The following PCBP2 variants were observed in gnomAD, a reference collection of about 807,000 sequenced individuals.
PCBP2 encodes the protein poly(rC) binding protein 2.
PCBP2 carries 4 observed loss-of-function variants against 50.1 expected under a neutral mutation model. The observed-to-expected ratio is 0.08, with a 90% CI of 0.04 to 0.18. The LOEUF (loss-of-function observed/expected upper bound fraction) is 0.18. Ranked by LOEUF, PCBP2 falls within the 10% of genes least tolerant of loss-of-function variation. The pLI, the probability that PCBP2 is intolerant of heterozygous loss-of-function variation, is 1.00. For missense variants in PCBP2, 161 were observed against 474.3 expected, an observed-to-expected ratio of 0.34 and a Z score of 6.14; for synonymous variants, 179 against 168.0, an observed-to-expected ratio of 1.07 and a Z score of -0.51.
In PCBP2 at chr12:53,455,447, CT is replaced by C. The variant is rs1378539903; in HGVS notation, c.94-10del. 1.9e-6 allele frequency: 3 copies of C among 1,614,064 alleles called. No individual in the cohort carries two copies. Among genetic ancestry groups the C allele is most frequent in the Non-Finnish European group, 2.5e-6 (3 of 1,179,978 alleles). ...AGTAGCAGTTGGAGCTCATGCTTGA[CT>C]TTTCCTTTACAGAAAGGAGAATCAG... On this transcript the variant is annotated splice_polypyrimidine_tract_variant and intron_variant, in intron 3 of 14. Transcript: ENST00000546463.
At chr12:53,471,507 C>T (rs1163041010) in intron 13 of PCBP2, 131 bp from the exon 14 acceptor site, 4 of 793,450 alleles carry the variant, frequency 5.0e-6, no homozygotes, top group Non-Finnish European at 7.4e-6. Flanking sequence ...TGAGGTTGCA[C>T]AGTGAGCCAA....
At chr12:53,473,153 G>C (rs553298620) in intron 14 of PCBP2, among the ~76,000 whole-genome samples, 1 of 150,010 alleles carries the variant, frequency 6.7e-6, no homozygotes, top group South Asian at 2.1e-4. Flanking sequence ...GCTCCATCTC[G>C]GCTCACTGCA....
intron 7 of PCBP2, 109 bp downstream of exon 7, chr12:53,461,252 G>T (rs1941424366): frequency 4.8e-6 from 6 of 1,245,084 alleles, no homozygotes; most frequent in African/African-American, 1.5e-5. Flanking sequence ...AAGGCTTCCA[G>T]TGGGGGTGGG....
At chr12:53,458,290 C>CGTTTTT (rs952421873) in intron 5 of PCBP2, among the ~76,000 whole-genome samples, 5 of 133,136 alleles carry the variant, frequency 3.8e-5, no homozygotes, top group African/African-American at 7.7e-5. Flanking sequence ...TTATATCTTT[C>CGTTTTT]GTTTTTGTTT....
In PCBP2 at chr12:53,473,623, A is replaced by C. The variant is rs369232271; in HGVS notation, c.1052+1816A>C. Among the ~76,000 whole-genome samples, 5 of 152,212 alleles carry C rather than the reference A, an allele frequency of 3.3e-5. No individual in the cohort carries two copies. The East Asian group carries it at 5.8e-4, about 18-fold the overall frequency. On this transcript the variant is annotated intron_variant, in intron 14 of 14. Transcript: ENST00000546463. ...AGTGGCTCTTTTCAGGATCATTGTT[A>C]CTGAATAGCAATTCGGTATCTTAGC...
chr12:53,479,453 A>G lies in PCBP2; in HGVS notation c.*11A>G. 1 of 1,612,456 alleles carries G rather than the reference A, an allele frequency of 6.2e-7. No individual in the cohort carries two copies. Among genetic ancestry groups the G allele is most frequent in the Non-Finnish European group, 8.5e-7 (1 of 1,178,798 alleles). The stretch of plus-strand genomic sequence containing the variant: ...ATGGGGAGCAGCTAGAACAATGCAG[A>G]TTCATCCATAATCCCTTTCTGCTGT... On this transcript the variant is annotated 3_prime_UTR_variant, in exon 15 of 15. Coordinates refer to ENST00000546463, the MANE Select transcript of PCBP2 (RefSeq NM_031989.5).
intron 1 of PCBP2, chr12:53,453,301 C>T (rs1457943772): frequency 1.3e-5 from 2 of 151,698 alleles, no homozygotes; most frequent in East Asian, 1.9e-4. Context: ...ATTAAACTAC[C>T]AGGTCTTTAC....
intron 13 of PCBP2, among the ~76,000 whole-genome samples, chr12:53,470,665 C>T (rs1005916689): frequency 1.3e-5 from 2 of 151,770 alleles, no homozygotes; most frequent in Admixed American, 6.6e-5. Flanking sequence ...GCATGAGCCA[C>T]GGTCCCCCAC....
chr12:53,461,970 A>G (rs11170560), intron 7 of PCBP2, among the ~76,000 whole-genome samples: 42,608 of 151,994 alleles, frequency 0.28, 7,246 homozygotes, highest in East Asian at 0.72. Context: ...CAGCCTTCCA[A>G]AGTACTGGTA....
intron 14 of PCBP2, among the ~76,000 whole-genome samples, chr12:53,474,557 A>G (rs556973113): frequency 6.6e-6 from 1 of 152,342 alleles, no homozygotes; most frequent in Non-Finnish European, 1.5e-5. Flanking sequence ...ACCCGAAATC[A>G]TTCCTTCAAC....
intron 12 of PCBP2, 52 bp from the exon 13 acceptor site, chr12:53,468,725 T>G: frequency 4.6e-6 from 6 of 1,303,104 alleles, no homozygotes; most frequent in Non-Finnish European, 6.7e-6. Flanking sequence ...TGCAAGTCAG[T>G]GAGGTTTTGA....
intron 13 of PCBP2, among the ~76,000 whole-genome samples, chr12:53,471,117 C>G (rs780510659): frequency 1.5e-4 from 23 of 151,808 alleles, no homozygotes; most frequent in Non-Finnish European, 3.1e-4. Context: ...GTTTTTTGAT[C>G]AAAAGTGTAT....
chr12:53,467,876 TCTA>T (rs1300839546), intron 12 of PCBP2, 33 bp downstream of exon 12: 2 of 1,472,142 alleles, frequency 1.4e-6, no homozygotes, highest in African/African-American at 1.4e-5. Context: ...TCTGTAGTAT[TCTA>T]CTGTTATATT....
rs573301452 is a variant in PCBP2 at position 53,455,279 on chromosome 12, T to C, written c.70-68T>C. The stretch of plus-strand genomic sequence containing the variant: ...TTAGAACATGTAGAAAAAGGAAAAA[T>C]AAAATATATTTTTAAAAAGGAATAC... On this transcript the variant is annotated intron_variant, in intron 2 of 14. Transcript: ENST00000546463. The C allele has an allele frequency of 5.3e-5, 77 of 1,445,324 alleles. No individual in the cohort carries two copies. The African/African-American group carries it at 1.1e-3, about 20-fold the overall frequency. 89.5% of individuals were successfully genotyped at this position (1,445,324 alleles called of 1,614,324 possible). A position where few individuals can be genotyped will look rare whatever the true frequency, so the allele number is the denominator to read the frequency against.
intron 10 of PCBP2, among the ~76,000 whole-genome samples, chr12:53,466,799 TCTC>T (rs1003716226): frequency 1.3e-5 from 2 of 151,958 alleles, no homozygotes; most frequent in African/African-American, 4.8e-5. Context: ...GCCCCCCTCA[TCTC>T]CTTCCCTCTC....
chr12:53,459,790 G>A (rs1483470601), intron 6 of PCBP2: 1 of 395,424 alleles, frequency 2.5e-6, no homozygotes. Flanking sequence ...GTCTCACTCT[G>A]TCTCCCCAGG....
intron 8 of PCBP2, among the ~76,000 whole-genome samples, chr12:53,463,234 C>T (rs927455203): frequency 6.6e-5 from 10 of 152,164 alleles, no homozygotes; most frequent in African/African-American, 2.2e-4. Flanking sequence ...CTGCTCCTTC[C>T]TCATCAACCT....
chr12:53,478,964 C>T (rs990372011), intron 14 of PCBP2, among the ~76,000 whole-genome samples: 2 of 152,042 alleles, frequency 1.3e-5, no homozygotes, highest in Admixed American at 6.5e-5. Context: ...TGAGTTGTCT[C>T]AGCATTAAAC....
chr12:53,455,816 G>C (rs1940967349), intron 4 of PCBP2, 69 bp from the exon 5 acceptor site: 1 of 1,028,224 alleles, frequency 9.7e-7, no homozygotes, highest in African/African-American at 1.6e-5. Context: ...TCTTATAAGG[G>C]ACTGTAGATC....
Sources: allele counts gnomAD v4.1 joint callset (sites outside exome capture counted in the v4.1 genomes callset), GRCh38; gene constraint gnomAD v4.1.1; transcripts MANE v1.5; gene names NCBI Gene and HGNC (gene_info 2026-07-23, HGNC 2026-07-21).